The following CACNA1B variants were observed in gnomAD, a reference collection of about 807,000 sequenced individuals.
CACNA1B encodes voltage-dependent N-type calcium channel subunit alpha-1B.
Under a neutral mutation model 247.2 loss-of-function variants are expected in CACNA1B, and 70 were observed. That is an observed-to-expected ratio of 0.28 (90% confidence interval 0.23 to 0.35). The LOEUF (loss-of-function observed/expected upper bound fraction) is 0.35, where lower values mean the gene tolerates loss of function less well. CACNA1B is among the 10% of genes least tolerant of loss of function. CACNA1B has a pLI of 1.00. For missense variants in CACNA1B, 2,367 were observed against 3,197.4 expected (o/e 0.74, Z 6.26); for synonymous variants, 1,231 against 1,294.4 (o/e 0.95, Z 1.05).
intron 20 of CACNA1B, among the ~76,000 whole-genome samples, chr9:138,038,729 G>T (rs560023407): frequency 1.1e-4 from 17 of 152,334 alleles, no homozygotes; most frequent in African/African-American, 4.1e-4. Context: ...TCTTGCTTTT[G>T]TCTTCCCGTC....
chr9:137,912,174 A>G (rs747080973), intron 3 of CACNA1B, among the ~76,000 whole-genome samples: 10 of 152,254 alleles, frequency 6.6e-5, no homozygotes, highest in Non-Finnish European at 1.3e-4. Flanking sequence ...CCAGGTCTGG[A>G]TTAAAGATAC....
rs776523705 is a variant in CACNA1B, at chr9:138,057,788, A to G, written c.4025A>G (p.Lys1342Arg). 8.7e-6 allele frequency: 14 copies of G among 1,612,942 alleles called. No homozygotes were observed. The highest frequency in any genetic ancestry group is 8.5e-7 in the Non-Finnish European group (1 of 1,179,394). Residue 1342 changes from lysine (K) to arginine (R), a missense_variant, in exon 27 of 47, where the codon AAG becomes AGG. By Grantham distance (26) the Lys-to-Arg change is conservative (BLOSUM62 2). This residue lies in a region of CACNA1B where 436 missense variants were observed against 679.5 expected (regional missense o/e 0.64). Transcript: ENST00000371372. This position sits in a 1 kb window ranked among gnomAD's most constrained non-coding sequence, Gnocchi z 4.0. ...GTGGAAGCTCAGCCCAGGCAGTGGA[A>G]GAAATACGACTTTCACTACGACAAT... ...EEVEAQPRQW[K>R]KYDFHYDNVL...
intron 36 of CACNA1B, among the ~76,000 whole-genome samples, chr9:138,079,488 A>G (rs1960442905): frequency 6.6e-6 from 1 of 152,128 alleles, no homozygotes; most frequent in South Asian, 2.1e-4. Flanking sequence ...CACACCTGTA[A>G]TCCCAGCACT....
chr9:137,971,689 G>A lies in CACNA1B; in HGVS notation c.1543+97G>A, dbSNP rs1457474598. 8 of 1,002,746 alleles carry A rather than the reference G, an allele frequency of 8.0e-6. No homozygotes were observed. Among genetic ancestry groups the A allele is most frequent in the African/African-American group, 6.4e-5 (4 of 62,846 alleles). 62.1% of individuals were successfully genotyped at this position (1,002,746 alleles called of 1,614,324 possible). A position where few individuals can be genotyped will look rare whatever the true frequency, so the allele number is the denominator to read the frequency against. On this transcript the variant is annotated intron_variant, in intron 11 of 46. Coordinates refer to ENST00000371372, the MANE Select transcript of CACNA1B (RefSeq NM_000718.4). The surrounding 1 kb of genome is among the most constrained non-coding windows in gnomAD (Gnocchi z 4.4). ...GCCCTGGGGCTACCCCAGGTGGGAC[G>A]GGACCCACCCCCATGTTGCTCAAAG...
In CACNA1B at chr9:137,899,738, C is replaced by T. The variant is rs1202144814; in HGVS notation, c.531-13442C>T. ...AGCAGATCCTGGAGATGGTGCCTCC[C>T]CTGCCAGCTTGGCTCCCATGTAGAA... On this transcript the variant is annotated intron_variant, in intron 3 of 46. Transcript: ENST00000371372. This position sits in a 1 kb window ranked among gnomAD's most constrained non-coding sequence, Gnocchi z 5.0. Among the ~76,000 whole-genome samples, 7 of 152,206 alleles carry T rather than the reference C, an allele frequency of 4.6e-5. No homozygotes were observed. The highest frequency in any genetic ancestry group is 3.9e-4 in the Admixed American group (6 of 15,290).
chr9:137,993,378 TTGTC>T (rs1958457647), intron 15 of CACNA1B, among the ~76,000 whole-genome samples: 1 of 152,048 alleles, frequency 6.6e-6, no homozygotes, highest in African/African-American at 2.4e-5. Flanking sequence ...AATTTTTATT[TTGTC>T]TGTCTAGATG....
rs949538874 is a variant in CACNA1B, at chr9:137,896,421, C to T, written c.530+13538C>T. On this transcript the variant is annotated intron_variant, in intron 3 of 46. Coordinates refer to ENST00000371372, the MANE Select transcript of CACNA1B (RefSeq NM_000718.4). The stretch of plus-strand genomic sequence containing the variant: ...ATGTTTCTTCTTTAGGATGTTAATA[C>T]AGTGGATTACAGTGGTTGATTTTTT... 2.0e-5 allele frequency among the ~76,000 whole-genome samples: 3 copies of T among 152,190 alleles called. No individual in the cohort carries two copies. In the South Asian group the frequency reaches 6.2e-4, roughly 32 times the overall value.
chr9:137,966,517 G>A (rs1395413245), intron 10 of CACNA1B, among the ~76,000 whole-genome samples: 2 of 149,596 alleles, frequency 1.3e-5, no homozygotes, highest in Admixed American at 1.3e-4. Flanking sequence ...GTGGGCCACT[G>A]TGCCTGGCCA....
intron 20 of CACNA1B, among the ~76,000 whole-genome samples, chr9:138,029,834 C>T (rs535822757): frequency 1.6e-4 from 25 of 152,174 alleles, no homozygotes; most frequent in African/African-American, 5.1e-4. Flanking sequence ...AGGCTGGTTT[C>T]GAACTCCTGA....
intron 31 of CACNA1B, among the ~76,000 whole-genome samples, chr9:138,064,250 G>A (rs1959836045): frequency 6.6e-6 from 1 of 152,178 alleles, no homozygotes; most frequent in African/African-American, 2.4e-5. Flanking sequence ...CAGAGAAATG[G>A]TTGCTGTCTG....
intron 12 of CACNA1B, among the ~76,000 whole-genome samples, chr9:137,982,409 G>A (rs1958305198): frequency 6.6e-6 from 1 of 152,226 alleles, no homozygotes; most frequent in Non-Finnish European, 1.5e-5. Context: ...GAGTTCCCAA[G>A]ACAGAAACCA....
chr9:138,092,195 G>A (rs2131337080), intron 36 of CACNA1B, among the ~76,000 whole-genome samples: 1 of 152,306 alleles, frequency 6.6e-6, no homozygotes, highest in African/African-American at 2.4e-5. Flanking sequence ...TTTGAGAGCA[G>A]ACAACCGGTC....
chr9:138,003,635 AT>A (rs1958608885), intron 15 of CACNA1B, among the ~76,000 whole-genome samples: 1 of 152,228 alleles, frequency 6.6e-6, no homozygotes, highest in African/African-American at 2.4e-5. Flanking sequence ...GTATTAGTAT[AT>A]ACAAGAATAC....
At chr9:137,894,750 T>C (rs1291299134) in intron 3 of CACNA1B, among the ~76,000 whole-genome samples, 1 of 152,172 alleles carries the variant, frequency 6.6e-6, no homozygotes, top group Non-Finnish European at 1.5e-5. Context: ...TATATTTTGC[T>C]CATATTCCAG....
intron 6 of CACNA1B, among the ~76,000 whole-genome samples, chr9:137,929,387 C>G (rs1448400819): frequency 1.3e-5 from 2 of 151,926 alleles, no homozygotes; most frequent in African/African-American, 4.8e-5. Context: ...GACCCTGTCT[C>G]TACAAAAACA....
intron 39 of CACNA1B, among the ~76,000 whole-genome samples, chr9:138,106,810 T>C (rs1564289232): frequency 6.6e-6 from 1 of 152,022 alleles, no homozygotes; most frequent in African/African-American, 2.4e-5. Flanking sequence ...TTCCCTATTC[T>C]CTCCTTTCTA....
chr9:137,921,569 G>C (rs1022482826), intron 6 of CACNA1B, among the ~76,000 whole-genome samples: 5 of 148,626 alleles, frequency 3.4e-5, no homozygotes, highest in African/African-American at 5.0e-5. Context: ...GCAGAGTAAA[G>C]CGTTCGGAGA....
At chr9:137,989,971 C>T (rs1238557236) in intron 15 of CACNA1B, among the ~76,000 whole-genome samples, 1 of 152,188 alleles carries the variant, frequency 6.6e-6, no homozygotes, top group East Asian at 1.9e-4. Context: ...AGCTCCTGCT[C>T]GGACAGACAG....
intron 16 of CACNA1B, among the ~76,000 whole-genome samples, chr9:138,009,197 A>G (rs1255241298): frequency 1.3e-5 from 2 of 152,214 alleles, no homozygotes; most frequent in African/African-American, 4.8e-5. Context: ...CTGTGCCGGT[A>G]CCTGTGGCAG....
Sources: allele counts gnomAD v4.1 joint callset (sites outside exome capture counted in the v4.1 genomes callset), GRCh38; gene constraint gnomAD v4.1.1; regional missense constraint gnomAD v4.1.1; non-coding constraint Gnocchi (gnomAD v3.1); transcripts MANE v1.5; gene names NCBI Gene and HGNC (gene_info 2026-07-23, HGNC 2026-07-21).